The following SULF1 variants were observed in gnomAD, a reference collection of about 807,000 sequenced individuals.
The protein encoded by SULF1 is extracellular sulfatase Sulf-1.
A neutral mutation model predicts 110.5 loss-of-function variants in SULF1; 46 were observed. The observed-to-expected ratio is 0.42, with a 90% confidence interval of 0.33 to 0.53. The LOEUF (loss-of-function observed/expected upper bound fraction) is 0.53. Among genes scored for constraint, SULF1 ranks in the 20% least tolerant of loss-of-function variants. SULF1 has a pLI of 0.12. For missense variants in SULF1, 941 were observed against 1,094.2 expected (o/e 0.86, Z 1.98); for synonymous variants, 371 against 387.1 (o/e 0.96, Z 0.49).
At chr8:69,526,798 A>AAAGGAAGG (rs5892198) in intron 3 of SULF1, among the ~76,000 whole-genome samples, 19,101 of 112,076 alleles carry the variant, frequency 0.17, 1,928 homozygotes, top group Non-Finnish European at 0.2. Flanking sequence ...GTCAAGAAAG[A>AAAGGAAGG]AAGGAAGGAA....
At chr8:69,654,593 C>G (rs1243671179) in intron 22 of SULF1, among the ~76,000 whole-genome samples, 1 of 152,186 alleles carries the variant, frequency 6.6e-6, no homozygotes, top group African/African-American at 2.4e-5. Context: ...GCTTCCAACA[C>G]CAGCAGTTGC....
At chr8:69,515,431 C>G (rs1331887130) in intron 3 of SULF1, among the ~76,000 whole-genome samples, 5 of 152,178 alleles carry the variant, frequency 3.3e-5, no homozygotes, top group Admixed American at 6.5e-5. Context: ...CTGCATAGAA[C>G]AGTGGGGCCC....
At chr8:69,641,253 C>G (rs1325692840) in intron 22 of SULF1, 1 of 160,998 alleles carries the variant, frequency 6.2e-6, no homozygotes, top group Non-Finnish European at 1.3e-5. Context: ...AATATAGCAT[C>G]AAAGGCACAA....
intron 22 of SULF1, chr8:69,642,330 G>A (rs1240332967): frequency 1.9e-5 from 19 of 987,196 alleles, no homozygotes; most frequent in Non-Finnish European, 2.3e-5. Context: ...GAAGCCAAAT[G>A]ACAACAGGAA....
At chr8:69,631,954 T>C (rs1441757560) in intron 19 of SULF1, among the ~76,000 whole-genome samples, 3 of 152,242 alleles carry the variant, frequency 2.0e-5, no homozygotes, top group Non-Finnish European at 4.4e-5. Flanking sequence ...TTAACTGTTG[T>C]CCTTTCCACT....
At position 69,564,070 on chromosome 8, in the gene SULF1, G is replaced by T; in HGVS notation, c.95G>T (p.Gly32Val). The part of the protein sequence containing the change: ...CSTVRSPRFR[G>V]RIQQERKNIR... ...ACTGTCAGATCCCCGAGGTTCAGAG[G>T]ACGGATACAGCAGGAACGAAAAAAC... is the stretch of plus-strand genomic sequence containing the variant. The change falls in exon 5 of 23, where the codon GGA becomes GTA. Residue 32 changes from glycine (G) to valine (V), a missense_variant. Transcript: ENST00000402687. 1 of 1,614,172 alleles carries T rather than the reference G, an allele frequency of 6.2e-7. No individual in the cohort carries two copies. Among genetic ancestry groups the T allele is most frequent in the African/African-American group, 1.3e-5 (1 of 75,034 alleles).
chr8:69,617,687 T>G (rs1036862307), intron 13 of SULF1, among the ~76,000 whole-genome samples: 10 of 151,948 alleles, frequency 6.6e-5, no homozygotes, highest in African/African-American at 2.4e-4. Flanking sequence ...ATCTCCACAT[T>G]AAATGGCAGA....
intron 3 of SULF1, among the ~76,000 whole-genome samples, chr8:69,526,370 T>C (rs1000072705): frequency 1.3e-5 from 2 of 152,174 alleles, no homozygotes; most frequent in Non-Finnish European, 2.9e-5. Flanking sequence ...TCTTACATTT[T>C]CTTTTATTAG....
At chr8:69,492,222 G>A (rs182868812), upstream of SULF1, among the ~76,000 whole-genome samples, 2 of 151,872 alleles carry the variant, frequency 1.3e-5, no homozygotes, top group East Asian at 3.9e-4. Flanking sequence ...GGGGAGGGAA[G>A]CTTGGTGCTC....
intron 8 of SULF1, among the ~76,000 whole-genome samples, chr8:69,599,649 C>G (rs1240059949): frequency 6.6e-6 from 1 of 152,098 alleles, no homozygotes; most frequent in African/African-American, 2.4e-5. Flanking sequence ...CCTCTATGTG[C>G]TTAATAACAT....
At chr8:69,585,911 T>G (rs1458122531) in intron 6 of SULF1, among the ~76,000 whole-genome samples, 2 of 152,234 alleles carry the variant, frequency 1.3e-5, no homozygotes, top group Non-Finnish European at 2.9e-5. Context: ...AATAGTGTTT[T>G]TATAATTCAC....
chr8:69,474,553 T>C (rs1315285409), intron 1 of SULF1, among the ~76,000 whole-genome samples: 1 of 152,198 alleles, frequency 6.6e-6, no homozygotes, highest in African/African-American at 2.4e-5. Context: ...ACAAATCATG[T>C]TCTCTTTTTT....
At chr8:69,607,430 T>C (rs889929799) in intron 13 of SULF1, among the ~76,000 whole-genome samples, 2 of 152,220 alleles carry the variant, frequency 1.3e-5, no homozygotes, top group African/African-American at 4.8e-5. Flanking sequence ...AGTGGCGTGA[T>C]CATGGCCCAC....
At chr8:69,653,324 C>A (rs2130741315) in intron 22 of SULF1, among the ~76,000 whole-genome samples, 2 of 152,320 alleles carry the variant, frequency 1.3e-5, no homozygotes, top group East Asian at 3.9e-4. Context: ...CCCATCTCAG[C>A]CTCCCAGAGT....
At chr8:69,593,705 C>T (rs1386664498) in intron 8 of SULF1, among the ~76,000 whole-genome samples, 1 of 152,204 alleles carries the variant, frequency 6.6e-6, no homozygotes, top group Non-Finnish European at 1.5e-5. Flanking sequence ...CAAACTGTAA[C>T]TCAGCTACTC....
chr8:69,526,247 C>T (rs139784601), intron 3 of SULF1, among the ~76,000 whole-genome samples: 25 of 152,224 alleles, frequency 1.6e-4, no homozygotes, highest in African/African-American at 4.6e-4. Context: ...TCACAGAGCT[C>T]TTCTTCAGTT....
intron 22 of SULF1, among the ~76,000 whole-genome samples, chr8:69,650,420 G>T (rs974306011): frequency 4.6e-5 from 7 of 152,090 alleles, no homozygotes; most frequent in Non-Finnish European, 7.4e-5. Context: ...ATACGTGCTT[G>T]AGCTCAGAAG....
At chr8:69,487,806 CTA>C (rs926609439) in intron 1 of SULF1, among the ~76,000 whole-genome samples, 6 of 152,160 alleles carry the variant, frequency 3.9e-5, no homozygotes, top group African/African-American at 1.4e-4. Flanking sequence ...TTAATACAAT[CTA>C]ATGTTCAGAG....
At chr8:69,543,338 C>A (rs1813992470) in intron 3 of SULF1, among the ~76,000 whole-genome samples, 1 of 152,106 alleles carries the variant, frequency 6.6e-6, no homozygotes, top group Non-Finnish European at 1.5e-5. Flanking sequence ...TTAAACCCAG[C>A]ATGCATTGGC....
Sources: allele counts gnomAD v4.1 joint callset (sites outside exome capture counted in the v4.1 genomes callset), GRCh38; gene constraint gnomAD v4.1.1; transcripts MANE v1.5; gene names NCBI Gene and HGNC (gene_info 2026-07-23, HGNC 2026-07-21).